MYCBP2: variants seen among roughly 807,000 people sequenced by gnomAD.
The protein encoded by MYCBP2 is MYC binding protein 2.
A neutral mutation model predicts 525.3 loss-of-function variants in MYCBP2; 120 were observed. The observed-to-expected ratio is 0.23, with a 90% CI of 0.20 to 0.27. The LOEUF is 0.27. Among genes scored for constraint, MYCBP2 ranks in the 10% least tolerant of loss-of-function variants. The probability of loss-of-function intolerance (pLI) is 1.00; values close to 1 mark genes in which losing one functional copy is unlikely to be tolerated. For synonymous variants in MYCBP2, 1,894 were observed against 1,955.8 expected, an observed-to-expected ratio of 0.97 and a Z score of 0.83; for missense variants, 4,149 against 5,657.1, an observed-to-expected ratio of 0.73 and a Z score of 8.55.
chr13:77,081,720 G>C lies in MYCBP2; in HGVS notation c.11194-69C>G. 1 of 1,532,786 alleles carries C rather than the reference G, an allele frequency of 6.5e-7. No homozygotes were observed. Among genetic ancestry groups the C allele is most frequent in the South Asian group, 1.3e-5 (1 of 78,608 alleles). 94.9% of individuals were successfully genotyped at this position (1,532,786 alleles called of 1,614,324 possible). On this transcript the variant is annotated intron_variant, in intron 64 of 82. Coordinates refer to ENST00000544440, the MANE Select transcript of MYCBP2 (RefSeq NM_015057.5). The surrounding 1 kb of genome is among the most constrained non-coding windows in gnomAD (Gnocchi z 4.6). ...TCTTTCGTGATGATAAAACAAACAG[G>C]TATAAGATAAAACATAATGGAAGAC...
Position 77,326,757 on chromosome 13 carries a change from T to G in MYCBP2, c.19A>C (p.Thr7Pro). 1 of 1,416,910 alleles carries G rather than the reference T, an allele frequency of 7.1e-7. No homozygotes were observed. Among genetic ancestry groups the G allele is most frequent in the Non-Finnish European group, 9.1e-7 (1 of 1,100,018 alleles). 87.8% of individuals were successfully genotyped at this position (1,416,910 alleles called of 1,614,324 possible). A position where few individuals can be genotyped will look rare whatever the true frequency, so the allele number is the denominator to read the frequency against. ...GAGGAGGCGGCGGCGGGGGAGGCAG[T>G]CGCTGCGCACATCATCATCCTCGCC... MMMCAA[T>P]ASPAAASSGL... is the part of the protein sequence containing the mutation. The change falls in exon 1 of 83, where the codon ACT becomes CCT. Residue 7 changes from threonine to proline, a missense_variant. This residue lies in a region of MYCBP2 where 413 missense variants were observed against 451.2 expected (regional missense o/e 0.92). Coordinates refer to ENST00000544440, the MANE Select transcript of MYCBP2 (RefSeq NM_015057.5). This position sits in a 1 kb window ranked among gnomAD's most constrained non-coding sequence, Gnocchi z 4.2.
intron 1 of MYCBP2, among the ~76,000 whole-genome samples, chr13:77,321,732 C>T (rs566308888): frequency 6.6e-6 from 1 of 152,226 alleles, no homozygotes; most frequent in African/African-American, 2.4e-5. Context: ...GTAGGTTATA[C>T]TTTCTTGGTC....
At chr13:77,304,428 T>C (rs1010218464) in intron 1 of MYCBP2, among the ~76,000 whole-genome samples, 4 of 152,170 alleles carry the variant, frequency 2.6e-5, no homozygotes, top group Non-Finnish European at 4.4e-5. Flanking sequence ...CTAAAAAAGT[T>C]GATCTCATAA....
intron 14 of MYCBP2, among the ~76,000 whole-genome samples, chr13:77,255,302 T>C (rs1687699299): frequency 6.6e-6 from 1 of 151,948 alleles, no homozygotes; most frequent in South Asian, 2.1e-4. Flanking sequence ...CAGTATGCAC[T>C]GTATGTGTCT....
intron 46 of MYCBP2, among the ~76,000 whole-genome samples, chr13:77,152,931 G>A (rs2056698166): frequency 6.6e-6 from 1 of 152,022 alleles, no homozygotes; most frequent in Non-Finnish European, 1.5e-5. Flanking sequence ...CAGGCGTGGT[G>A]GCGGGTGCCT....
In MYCBP2 at chr13:77,185,133, G is replaced by A. The variant is rs1436687596; in HGVS notation, c.4689C>T (p.Cys1563=). The A allele has an allele frequency of 1.2e-6, 2 of 1,613,888 alleles. No homozygotes were observed. Among genetic ancestry groups the A allele is most frequent in the East Asian group, 2.2e-5 (1 of 44,876 alleles). The change falls in exon 32 of 83, where the codon TGC becomes TGT. Residue 1563 remains cysteine, a synonymous_variant. Coordinates refer to ENST00000544440, the MANE Select transcript of MYCBP2 (RefSeq NM_015057.5). ...CCAAACAATTCAGCAGATCACAAAG[G>A]CAAGCCCACTGTAAGGCAGGAGTTG... The part of the protein sequence containing the change: ...FYPTPALQWA[C]LCDLLNCLDQ...
chr13:77,085,279 T>C (rs909422308), intron 62 of MYCBP2, among the ~76,000 whole-genome samples: 4 of 152,196 alleles, frequency 2.6e-5, no homozygotes, highest in African/African-American at 4.8e-5. Flanking sequence ...TCTTATATAC[T>C]AGCAATAAAG....
At chr13:77,201,731 T>G (rs1253771110) in intron 26 of MYCBP2, among the ~76,000 whole-genome samples, 1 of 151,882 alleles carries the variant, frequency 6.6e-6, no homozygotes, top group African/African-American at 2.4e-5. Context: ...AACTCAGGAT[T>G]AAGAATCTCA....
chr13:77,325,079 T>C (rs1201663023), intron 1 of MYCBP2, among the ~76,000 whole-genome samples: 3 of 152,236 alleles, frequency 2.0e-5, no homozygotes, highest in Admixed American at 1.3e-4. Context: ...ACTACTGCTG[T>C]GCCCAATCCT....
At chr13:77,060,666 GTTAA>G (rs1018072912) in intron 76 of MYCBP2, among the ~76,000 whole-genome samples, 4 of 152,104 alleles carry the variant, frequency 2.6e-5, no homozygotes, top group African/African-American at 9.7e-5. Flanking sequence ...ATTCATTTTT[GTTAA>G]TTATTTTATT....
chr13:77,280,694 G>A (rs1390915210), intron 3 of MYCBP2, among the ~76,000 whole-genome samples: 1 of 152,208 alleles, frequency 6.6e-6, no homozygotes, highest in Non-Finnish European at 1.5e-5. Context: ...TCTCTGGTAA[G>A]TTTAAGGTGT....
chr13:77,198,693 T>A (rs775555888), intron 26 of MYCBP2, among the ~76,000 whole-genome samples: 1 of 152,226 alleles, frequency 6.6e-6, no homozygotes, highest in African/African-American at 2.4e-5. Context: ...AACATATGAC[T>A]CTCAATGATT....
In MYCBP2 at chr13:77,251,139, A is replaced by G. The variant is rs1227189260; in HGVS notation, c.2381+12T>C. Reference sequence around the variant, plus strand: ...CTGCACATGTTCTTTAGTAGGAATCATTGTCTCTTACCCTCCGGGGACTCT... The same window carrying G: ...CTGCACATGTTCTTTAGTAGGAATCGTTGTCTCTTACCCTCCGGGGACTCT... On this transcript the variant is annotated intron_variant, in intron 15 of 82. Transcript: ENST00000544440. 2 of 1,612,448 alleles carry G rather than the reference A, an allele frequency of 1.2e-6. No individual in the cohort carries two copies. Among genetic ancestry groups the G allele is most frequent in the Non-Finnish European group, 1.7e-6 (2 of 1,179,470 alleles).
rs1252541055 is a variant in MYCBP2 at position 77,086,334 on chromosome 13, T to TAG, written c.10875+1149_10875+1150insCT. Among the ~76,000 whole-genome samples, 309 of 152,258 alleles carry TAG rather than the reference T, an allele frequency of 2.0e-3. 2 individuals are homozygous for TAG. The highest frequency in any genetic ancestry group is 5.4e-3 in the African/African-American group (225 of 41,562). ...ATTAAGCAATTATTCTCACTGTCCC[T>TAG]CTTTTGAAAGCTAATATTTTTTTCT... On this transcript the variant is annotated intron_variant, in intron 62 of 82. Coordinates refer to ENST00000544440, the MANE Select transcript of MYCBP2 (RefSeq NM_015057.5).
At chr13:77,239,025 C>A (rs957353252) in intron 17 of MYCBP2, among the ~76,000 whole-genome samples, 3 of 152,114 alleles carry the variant, frequency 2.0e-5, no homozygotes, top group Non-Finnish European at 4.4e-5. Context: ...GAGGCCGAGG[C>A]AGGAGAATCG....
intron 2 of MYCBP2, among the ~76,000 whole-genome samples, chr13:77,288,585 T>C (rs554607991): frequency 6.6e-6 from 1 of 152,224 alleles, no homozygotes; most frequent in African/African-American, 2.4e-5. Flanking sequence ...AACCAACCAA[T>C]CTGACAAGGG....
intron 63 of MYCBP2, among the ~76,000 whole-genome samples, chr13:77,082,363 A>G (rs1209021851): frequency 6.6e-6 from 1 of 152,204 alleles, no homozygotes; most frequent in Non-Finnish European, 1.5e-5. Flanking sequence ...TCATCAGGGT[A>G]TAGTTTATCT....
chr13:77,206,013 C>A (rs1473137555), intron 24 of MYCBP2, among the ~76,000 whole-genome samples: 3 of 151,980 alleles, frequency 2.0e-5, no homozygotes, highest in Non-Finnish European at 4.4e-5. Context: ...AAAAAAGAAA[C>A]AAAGAGTTAT....
At chr13:77,276,105 G>A (rs1024846751) in intron 4 of MYCBP2, among the ~76,000 whole-genome samples, 4 of 152,086 alleles carry the variant, frequency 2.6e-5, no homozygotes, top group African/African-American at 4.8e-5. Context: ...CAATAGTATC[G>A]CACATTCTTA....
Sources: allele counts gnomAD v4.1 joint callset (sites outside exome capture counted in the v4.1 genomes callset), GRCh38; gene constraint gnomAD v4.1.1; regional missense constraint gnomAD v4.1.1; non-coding constraint Gnocchi (gnomAD v3.1); transcripts MANE v1.5; gene names NCBI Gene and HGNC (gene_info 2026-07-23, HGNC 2026-07-21).